Variants in FRS3 observed in about 807,000 individuals in gnomAD.
The protein encoded by FRS3 is fibroblast growth factor receptor substrate 3.
FRS3 carries 17 observed loss-of-function variants against 41.9 expected under a neutral mutation model. The ratio of observed to expected loss-of-function variants is 0.41; its 90% CI spans 0.28 to 0.61. The LOEUF (loss-of-function observed/expected upper bound fraction) is 0.61. FRS3 is among the 20% of genes least tolerant of loss of function. FRS3 has a pLI of 0.36. For synonymous variants in FRS3, 287 were observed against 274.5 expected (o/e 1.05, Z -0.45); for missense variants, 619 against 672.1 (o/e 0.92, Z 0.87).
At chr6:41,777,062 C>T (rs1168787983) in intron 2 of FRS3, 52 bp from the exon 3 acceptor site, 2 of 1,369,460 alleles carry the variant, frequency 1.5e-6, no homozygotes. Context: ...TTCAAAAAAC[C>T]CTGCTCTGGG....
At position 41,779,869 on chromosome 6, in the gene FRS3, A is replaced by C. The variant is rs1162865471; in HGVS notation, c.-221T>G. On this transcript the variant is annotated 5_prime_UTR_variant, in exon 1 of 7. Coordinates refer to ENST00000373018, the MANE Select transcript of FRS3 (RefSeq NM_006653.5). Reference sequence around the variant, plus strand: ...CCCCGCTCCCGGGTCCCGCTGCAGCAGCCGCCGCCCGCCCGGAGCTAAGGC... The same window carrying C: ...CCCCGCTCCCGGGTCCCGCTGCAGCCGCCGCCGCCCGCCCGGAGCTAAGGC... The C allele has an allele frequency of 2.7e-5, 4 of 146,130 alleles. No individual in the cohort carries two copies. Among genetic ancestry groups the C allele is most frequent in the Non-Finnish European group, 6.0e-5 (4 of 66,168 alleles). The allele number at this position is 146,130 out of a possible 1,614,324, so 9.1% of individuals were successfully genotyped here. A position where few individuals can be genotyped will look rare whatever the true frequency, so the allele number is the denominator to read the frequency against.
chr6:41,773,609 G>A (rs1449377359), intron 4 of FRS3, among the ~76,000 whole-genome samples: 1 of 151,158 alleles, frequency 6.6e-6, no homozygotes, highest in African/African-American at 2.4e-5. Context: ...GATGGCTCAC[G>A]CCTGTAATCC....
At chr6:41,778,680 G>A (rs1023009729) in intron 1 of FRS3, among the ~76,000 whole-genome samples, 6 of 152,206 alleles carry the variant, frequency 3.9e-5, no homozygotes, top group Middle Eastern at 3.4e-3. Context: ...TCTATAAACT[G>A]GGGAGCTTCT....
At chr6:41,774,306 C>T (rs9471648) in intron 4 of FRS3, among the ~76,000 whole-genome samples, 79 of 152,222 alleles carry the variant, frequency 5.2e-4, no homozygotes, top group African/African-American at 1.8e-3. Context: ...CTAACACCCC[C>T]TGCTTCCTAG....
rs367802861 is a variant in FRS3 at position 41,776,951 on chromosome 6, C to T, written c.37G>A (p.Val13Ile). The T allele has an allele frequency of 1.1e-4, 178 of 1,614,114 alleles. 2 individuals are homozygous for T. The highest frequency in any genetic ancestry group is 9.3e-4 in the South Asian group (85 of 91,082). ...AACTTGGTGGGGTGGTTGTCTGGAA[C>T]GCTGTCTCTGTTCAGGCAGCTGCAG... ...SCCSCLNRDS[V>I]PDNHPTKFKV... The change falls in exon 3 of 7, where the codon GTT (valine) becomes ATT (isoleucine). Residue 13 changes from valine (V) to isoleucine (I), a missense_variant. Coordinates refer to ENST00000373018, the MANE Select transcript of FRS3 (RefSeq NM_006653.5).
At chr6:41,773,714 T>C (rs1045231438) in intron 4 of FRS3, among the ~76,000 whole-genome samples, 6 of 150,788 alleles carry the variant, frequency 4.0e-5, no homozygotes, top group Non-Finnish European at 7.4e-5. Flanking sequence ...CTACTAAAAA[T>C]ACAAAAAATT....
chr6:41,776,750 C>G (rs1027420303), intron 3 of FRS3, 172 bp downstream of exon 3: 3 of 623,300 alleles, frequency 4.8e-6, no homozygotes, highest in Non-Finnish European at 5.8e-6. Flanking sequence ...GTGGTCTGGG[C>G]CTCTTTTCCT....
rs747840287 is a variant in FRS3 at position 41,775,584 on chromosome 6, C to G, written c.88G>C (p.Gly30Arg). ...KFKVTNVDDE[G>R]VELGSGVMEL... ...ATCACCCCAGAGCCCAGCTCCACCC[C>G]CTCATCATCCACATTTGTCACCTGG... Residue 30 changes from glycine (G) to arginine (R), a missense_variant, in exon 4 of 7, where the codon GGG becomes CGG. Physicochemically the swap from Gly to Arg is moderately radical, Grantham distance 125 (BLOSUM62 -2). Coordinates refer to ENST00000373018, the MANE Select transcript of FRS3 (RefSeq NM_006653.5). 1 of 1,613,982 alleles carries G rather than the reference C, an allele frequency of 6.2e-7. No individual in the cohort carries two copies. Among genetic ancestry groups the G allele is most frequent in the Non-Finnish European group, 8.5e-7 (1 of 1,179,892 alleles).
chr6:41,773,341 T>A (rs1274385194), intron 4 of FRS3, among the ~76,000 whole-genome samples: 1 of 151,604 alleles, frequency 6.6e-6, no homozygotes, highest in African/African-American at 2.4e-5. Flanking sequence ...TGACCTCAGG[T>A]AATCGGCCTG....
intron 2 of FRS3, among the ~76,000 whole-genome samples, chr6:41,777,228 G>A (rs780853600): frequency 1.3e-5 from 2 of 152,344 alleles, no homozygotes; most frequent in East Asian, 3.9e-4. Flanking sequence ...GATGAATGCC[G>A]ATGGGGGGCT....
intron 2 of FRS3, 130 bp downstream of exon 2, chr6:41,777,903 T>A (rs893919741): frequency 3.9e-5 from 6 of 152,520 alleles, no homozygotes; most frequent in Non-Finnish European, 8.8e-5. Context: ...AAGAAATAAG[T>A]CTGTAGGATT....
chr6:41,770,957 G>C lies in FRS3; in HGVS notation c.1141C>G (p.Arg381Gly). The C allele has an allele frequency of 6.2e-7, 1 of 1,612,936 alleles. No homozygotes were observed. The highest frequency in any genetic ancestry group is 8.5e-7 in the Non-Finnish European group (1 of 1,179,932). ...QKPTSTRAAI[R>G]SHGSFPVPLT... is the part of the protein sequence containing the mutation. ...GGCACAGGAAAGCTGCCGTGGCTGC[G>C]GATGGCGGCCCGGGTGCTGGTGGGC... Residue 381 changes from arginine to glycine, a missense_variant, in exon 7 of 7, where the codon CGC (arginine) becomes GGC (glycine). This residue lies in a region of FRS3 where 487 missense variants were observed against 478.3 expected (regional missense o/e 1.02). Coordinates refer to ENST00000373018, the MANE Select transcript of FRS3 (RefSeq NM_006653.5).
At chr6:41,773,557 G>T (rs1772348535) in intron 4 of FRS3, among the ~76,000 whole-genome samples, 1 of 151,952 alleles carries the variant, frequency 6.6e-6, no homozygotes, top group South Asian at 2.1e-4. Context: ...TGTGTTCAGG[G>T]GTCACAAGAA....
intron 4 of FRS3, among the ~76,000 whole-genome samples, chr6:41,773,345 C>T (rs1228222457): frequency 1.3e-5 from 2 of 151,786 alleles, no homozygotes; most frequent in Middle Eastern, 3.2e-3. Flanking sequence ...CTCAGGTAAT[C>T]GGCCTGCTGC....
In FRS3 at chr6:41,771,056, C is replaced by T. The variant is rs756700201; in HGVS notation, c.1042G>A (p.Asp348Asn). Residue 348 changes from aspartate to asparagine, a missense_variant, in exon 7 of 7, where the codon GAC becomes AAC. Physicochemically the swap from Asp to Asn is conservative, Grantham distance 23. Transcript: ENST00000373018. ...GAGGGTGTGAGCCCATCCCTCGAGTCCCCATCATCCCCAGCCTCCCCTCCC... is the reference window on the plus strand; with the variant it reads ...GAGGGTGTGAGCCCATCCCTCGAGTTCCCATCATCCCCAGCCTCCCCTCCC... ...QLGGEAGDDG[D>N]SRDGLTPSSN... 2.4e-5 allele frequency: 38 copies of T among 1,606,380 alleles called. No homozygotes were observed. In the Admixed American group the frequency reaches 6.2e-4, roughly 26 times the overall value.
chr6:41,771,083 G>A lies in FRS3; in HGVS notation c.1015C>T (p.Leu339=), dbSNP rs147671433. ...PPVWESQAQQ[L]GGEAGDDGDS... ...CCATCATCCCCAGCCTCCCCTCCCAGCTGCTGGGCTTGGCTTTCCCACACA... is the reference window on the plus strand; with the variant it reads ...CCATCATCCCCAGCCTCCCCTCCCAACTGCTGGGCTTGGCTTTCCCACACA... The change falls in exon 7 of 7, where the codon CTG becomes TTG. Residue 339 remains leucine, a synonymous_variant. Coordinates refer to ENST00000373018, the MANE Select transcript of FRS3 (RefSeq NM_006653.5). 54 of 1,598,624 alleles carry A rather than the reference G, an allele frequency of 3.4e-5. No individual in the cohort carries two copies. Among genetic ancestry groups the A allele is most frequent in the Non-Finnish European group, 4.4e-5 (51 of 1,170,198 alleles).
In FRS3 at chr6:41,771,849, C is replaced by T. The variant is rs1194994456; in HGVS notation, c.531G>A (p.Glu177=). Residue 177 remains glutamate (E), a synonymous_variant, in exon 6 of 7, where the codon GAG becomes GAA. Coordinates refer to ENST00000373018, the MANE Select transcript of FRS3 (RefSeq NM_006653.5). ...SSLRHPSLGE[E]STHALIAPDE... is the part of the protein sequence containing the mutation. ...CAGGAGCAATGAGGGCATGGGTGGA[C>T]TCTTCCCCAAGCGAGGGGTGCCGCA... 3.2e-6 allele frequency: 5 copies of T among 1,552,760 alleles called. No homozygotes were observed. In the African/African-American group the frequency reaches 4.1e-5, roughly 13 times the overall value.
Position 41,771,300 on chromosome 6 carries a change from G to C in FRS3, c.798C>G (p.Pro266=), listed in dbSNP as rs757431291. The C allele has an allele frequency of 1.2e-6, 2 of 1,613,444 alleles. No homozygotes were observed. The highest frequency in any genetic ancestry group is 1.3e-5 in the African/African-American group (1 of 75,026). Residue 266 remains proline, a synonymous_variant, in exon 7 of 7, where the codon CCC becomes CCG. Transcript: ENST00000373018. The stretch of plus-strand genomic sequence containing the variant: ...CCTCATTGTTATTATTGTGGTGTGG[G>C]GGGTCATGCAGGCTGGGACAGAGGC... ...CQGLCPSLHD[P]PHHNNNNEAP...
In FRS3 at chr6:41,776,907, G is replaced by C. The variant is rs538712900; in HGVS notation, c.66+15C>G. The C allele has an allele frequency of 6.2e-7, 1 of 1,608,308 alleles. No individual in the cohort carries two copies. Among genetic ancestry groups the C allele is most frequent in the Non-Finnish European group, 8.5e-7 (1 of 1,174,792 alleles). On this transcript the variant is annotated intron_variant, in intron 3 of 6. Transcript: ENST00000373018. ...GCCATGTTGGGAACACAGGAGAGGA[G>C]AGGGCTCTGGGTACCTTGAACTTGG...
Sources: allele counts gnomAD v4.1 joint callset (sites outside exome capture counted in the v4.1 genomes callset), GRCh38; gene constraint gnomAD v4.1.1; regional missense constraint gnomAD v4.1.1; transcripts MANE v1.5; gene names NCBI Gene and HGNC (gene_info 2026-07-23, HGNC 2026-07-21).